Variants in TMOD2 observed in about 807,000 individuals in gnomAD.
TMOD2 encodes the protein tropomodulin 2.
Under a neutral mutation model 39.9 loss-of-function variants are expected in TMOD2, and 22 were observed. The observed-to-expected ratio is 0.55, with a 90% CI of 0.39 to 0.79. The LOEUF (loss-of-function observed/expected upper bound fraction) is 0.79, where lower values mean the gene tolerates loss of function less well. TMOD2 is among the 30% of genes least tolerant of loss of function. The pLI, the probability that TMOD2 is intolerant of heterozygous loss-of-function variation, is 0.00. For synonymous variants in TMOD2, 123 were observed against 146.1 expected (o/e 0.84, Z 1.14); for missense variants, 386 against 413.3 (o/e 0.93, Z 0.57).
intron 9 of TMOD2, 141 bp downstream of exon 9, chr15:51,806,662 A>AT (rs2056123648): frequency 7.8e-6 from 7 of 899,408 alleles, no homozygotes; most frequent in Non-Finnish European, 1.0e-5. Context: ...CATTATTATA[A>AT]TACATGGTCA....
At chr15:51,755,885 G>A (rs949899561) in intron 1 of TMOD2, among the ~76,000 whole-genome samples, 14 of 151,550 alleles carry the variant, frequency 9.2e-5, no homozygotes, top group African/African-American at 3.4e-4. Context: ...AAGAAAGGAG[G>A]GCACATGAAT....
intron 8 of TMOD2, among the ~76,000 whole-genome samples, chr15:51,804,826 C>T: frequency 6.6e-6 from 1 of 152,178 alleles, no homozygotes; most frequent in East Asian, 1.9e-4. Context: ...CCGTCTCAGC[C>T]TTCCAAAGTG....
intron 4 of TMOD2, among the ~76,000 whole-genome samples, chr15:51,774,671 T>A (rs2055875559): frequency 6.6e-6 from 1 of 152,166 alleles, no homozygotes; most frequent in Non-Finnish European, 1.5e-5. Flanking sequence ...GAACTTAATA[T>A]TGACCATATT....
intron 8 of TMOD2, among the ~76,000 whole-genome samples, chr15:51,803,249 C>T (rs550019987): frequency 2.7e-5 from 4 of 145,702 alleles, no homozygotes; most frequent in East Asian, 2.2e-4. Context: ...GGCGCCATCT[C>T]GGCTCACTGC....
intron 7 of TMOD2, among the ~76,000 whole-genome samples, chr15:51,791,160 C>T (rs2448810): frequency 0.33 from 49,779 of 152,052 alleles, 8,969 homozygotes; most frequent in Non-Finnish European, 0.4. Flanking sequence ...AGCAAAGTCT[C>T]AGGATATAAA....
At chr15:51,806,712 T>C (rs571049219) in intron 9 of TMOD2, among the ~76,000 whole-genome samples, 191 bp downstream of exon 9, 13 of 152,348 alleles carry the variant, frequency 8.5e-5, no homozygotes, top group African/African-American at 3.1e-4. Context: ...AGTTTCATCA[T>C]AGCATTTTCT....
chr15:51,803,364 A>G (rs948799088), intron 8 of TMOD2, among the ~76,000 whole-genome samples: 1 of 151,924 alleles, frequency 6.6e-6, no homozygotes, highest in African/African-American at 2.4e-5. Flanking sequence ...TATTTTTAGT[A>G]GAGACAGAAT....
At chr15:51,768,028 C>A (rs997506920) in intron 2 of TMOD2, among the ~76,000 whole-genome samples, 6 of 152,210 alleles carry the variant, frequency 3.9e-5, no homozygotes, top group Non-Finnish European at 8.8e-5. Flanking sequence ...TCAGAGGCTG[C>A]TCTAGCCATC....
At chr15:51,756,972 A>C (rs1394507705) in intron 1 of TMOD2, among the ~76,000 whole-genome samples, 1 of 152,248 alleles carries the variant, frequency 6.6e-6, no homozygotes, top group East Asian at 1.9e-4. Context: ...TCTAAGATCA[A>C]TTCATGTTTT....
In TMOD2 at chr15:51,810,750, C is replaced by CTTTTTTT. The variant is rs112265395; in HGVS notation, c.*2307_*2313dup. 3.6e-5 allele frequency: 5 copies of CTTTTTTT among 139,280 alleles called. No individual in the cohort carries two copies. The highest frequency in any genetic ancestry group is 3.1e-5 in the Non-Finnish European group (2 of 64,178). The allele number at this position is 139,280 out of a possible 1,614,324, so 8.6% of individuals were successfully genotyped here. A position where few individuals can be genotyped will look rare whatever the true frequency, so the allele number is the denominator to read the frequency against. On this transcript the variant is annotated 3_prime_UTR_variant, in exon 10 of 10. Transcript: ENST00000249700. The stretch of plus-strand genomic sequence containing the variant: ...CTGCCTCTCCAAGTAAGCCTTTTTC[C>CTTTTTTT]TTTTTTTTTTTTTTTTTCTTACTCT...
At chr15:51,758,561 C>T (rs1203276034) in intron 1 of TMOD2, among the ~76,000 whole-genome samples, 1 of 152,180 alleles carries the variant, frequency 6.6e-6, no homozygotes, top group Non-Finnish European at 1.5e-5. Flanking sequence ...TTATTGGATA[C>T]CTACTTCAGA....
chr15:51,759,096 A>G (rs1231031011), intron 1 of TMOD2, among the ~76,000 whole-genome samples: 1 of 152,210 alleles, frequency 6.6e-6, no homozygotes, highest in East Asian at 1.9e-4. Context: ...ATAGGGTTGA[A>G]TGTGGACAAT....
At chr15:51,756,655 T>C (rs1252600435) in intron 1 of TMOD2, among the ~76,000 whole-genome samples, 1 of 152,226 alleles carries the variant, frequency 6.6e-6, no homozygotes, top group Non-Finnish European at 1.5e-5. Flanking sequence ...TTTTCAAGTA[T>C]GATTTAATCT....
intron 2 of TMOD2, among the ~76,000 whole-genome samples, chr15:51,767,851 A>G (rs980667724): frequency 1.8e-4 from 28 of 152,246 alleles, no homozygotes; most frequent in African/African-American, 6.8e-4. Context: ...GTGTTTACTT[A>G]TCAGCTTTAC....
intron 7 of TMOD2, among the ~76,000 whole-genome samples, chr15:51,792,028 A>G (rs940557467): frequency 6.6e-6 from 1 of 152,232 alleles, no homozygotes; most frequent in Admixed American, 6.5e-5. Flanking sequence ...AATTAAACTG[A>G]AGAGGTTCTG....
At chr15:51,808,212 A>G (rs755606375) in intron 9 of TMOD2, among the ~76,000 whole-genome samples, 2 of 152,180 alleles carry the variant, frequency 1.3e-5, no homozygotes, top group South Asian at 4.1e-4. Context: ...GTACCCAACT[A>G]TCAGACATAT....
chr15:51,799,800 G>A (rs1405568525), intron 8 of TMOD2, among the ~76,000 whole-genome samples: 1 of 152,198 alleles, frequency 6.6e-6, no homozygotes, highest in Non-Finnish European at 1.5e-5. Flanking sequence ...GATATTTGTT[G>A]AATAGACTCA....
chr15:51,777,778 C>T (rs964731129), intron 5 of TMOD2, among the ~76,000 whole-genome samples: 21 of 152,152 alleles, frequency 1.4e-4, no homozygotes, highest in Non-Finnish European at 2.5e-4. Context: ...TCCAGCAGCA[C>T]ATCAAAAAGC....
intron 1 of TMOD2, among the ~76,000 whole-genome samples, chr15:51,764,704 A>G (rs1211387979): frequency 1.3e-5 from 2 of 152,048 alleles, no homozygotes; most frequent in Non-Finnish European, 2.9e-5. Flanking sequence ...CCCCCTCTGT[A>G]GCCATGCCGC....
Sources: gnomAD v4.1 joint callset for allele counts (sites outside exome capture counted in the v4.1 genomes callset) on GRCh38, gnomAD v4.1.1 for gene constraint, MANE v1.5 for transcripts, NCBI Gene and HGNC (gene_info 2026-07-23, HGNC 2026-07-21) for gene names.